RBM20: variants seen among roughly 807,000 people sequenced by gnomAD.
RBM20 encodes the protein RNA binding motif protein 20, also known as RNA-binding protein 20.
Under a neutral mutation model 110.1 loss-of-function variants are expected in RBM20, and 51 were observed. The ratio of observed to expected loss-of-function variants is 0.46; its 90% CI spans 0.37 to 0.59. The LOEUF (loss-of-function observed/expected upper bound fraction) is 0.59. RBM20 is among the 20% of genes least tolerant of loss of function. RBM20 has a pLI of 0.00. For missense variants in RBM20, 1,512 were observed against 1,574.9 expected (o/e 0.96, Z 0.68); for synonymous variants, 589 against 618.2 (o/e 0.95, Z 0.70).
At chr10:110,679,062 G>A (rs1038556033) in intron 1 of RBM20, among the ~76,000 whole-genome samples, 1 of 152,182 alleles carries the variant, frequency 6.6e-6, no homozygotes, top group Non-Finnish European at 1.5e-5. Context: ...TGGAGCCTCA[G>A]GCTTGAATAT....
At chr10:110,833,113 C>G (rs1013101019) in intron 13 of RBM20, among the ~76,000 whole-genome samples, 1 of 151,118 alleles carries the variant, frequency 6.6e-6, no homozygotes, top group Non-Finnish European at 1.5e-5. Flanking sequence ...TTCCTGGGCC[C>G]GGCACAGTGG....
chr10:110,835,009 C>T (rs960496907), intron 13 of RBM20, among the ~76,000 whole-genome samples: 5 of 152,198 alleles, frequency 3.3e-5, no homozygotes, highest in African/African-American at 4.8e-5. Context: ...AAAAGACCTC[C>T]AAGGCTCCCC....
chr10:110,784,286 C>T, intron 3 of RBM20, 55 bp from the exon 4 acceptor site: 1 of 1,311,750 alleles, frequency 7.6e-7, no homozygotes, highest in Non-Finnish European at 1.1e-6. Flanking sequence ...GGGTCACATG[C>T]TAATTCTTTG....
chr10:110,784,889 T>C lies in RBM20; in HGVS notation c.1527T>C (p.Thr509=), dbSNP rs759961194. The C allele has an allele frequency of 6.7e-7, 1 of 1,499,774 alleles. No individual in the cohort carries two copies. 92.9% of individuals were successfully genotyped at this position (1,499,774 alleles called of 1,614,324 possible). A position where few individuals can be genotyped will look rare whatever the true frequency, so the allele number is the denominator to read the frequency against. Residue 509 remains threonine (T), a splice_region_variant and synonymous_variant, in exon 5 of 14, where the codon ACT becomes ACC. Coordinates refer to ENST00000369519, the MANE Select transcript of RBM20 (RefSeq NM_001134363.3). ...PTFPLASVGT[T]FAQRKGAGRV... ...TTCCTTTGGCTTCTGTGGGGACAAC[T>C]GTGAGTACGGAAACATTTTCTCTAG... is the stretch of plus-strand genomic sequence containing the variant.
chr10:110,792,452 C>T (rs950230240), intron 5 of RBM20, among the ~76,000 whole-genome samples: 2 of 152,178 alleles, frequency 1.3e-5, no homozygotes, highest in African/African-American at 2.4e-5. Flanking sequence ...CGTACATTCA[C>T]GGTGGCATTT....
intron 1 of RBM20, among the ~76,000 whole-genome samples, chr10:110,687,208 T>C (rs1862518451): frequency 6.6e-6 from 1 of 152,204 alleles, no homozygotes; most frequent in African/African-American, 2.4e-5. Flanking sequence ...AGAAAAGTAG[T>C]AAGATACTAA....
chr10:110,713,616 T>C (rs1322136623), intron 1 of RBM20, among the ~76,000 whole-genome samples: 1 of 152,232 alleles, frequency 6.6e-6, no homozygotes, highest in African/African-American at 2.4e-5. Context: ...ATATATGCAT[T>C]ACTGGCAAAT....
intron 1 of RBM20, among the ~76,000 whole-genome samples, chr10:110,771,135 A>G (rs758691071): frequency 2.6e-5 from 4 of 152,156 alleles, no homozygotes; most frequent in Non-Finnish European, 5.9e-5. Context: ...AGGCATGTCC[A>G]TGGATAAATT....
Position 110,771,517 on chromosome 10 carries a change from C to T in RBM20, c.192-9284C>T, listed in dbSNP as rs556777799. Among the ~76,000 whole-genome samples, 19 of 152,266 alleles carry T rather than the reference C, an allele frequency of 1.2e-4. No individual in the cohort carries two copies. In the South Asian group the frequency reaches 2.9e-3, roughly 23 times the overall value. Reference sequence around the variant, plus strand: ...GTGGGACACATATAGTTCCTATCTTCGAATGATCATGGGACAGTGGGAAAG... The same window carrying T: ...GTGGGACACATATAGTTCCTATCTTTGAATGATCATGGGACAGTGGGAAAG... On this transcript the variant is annotated intron_variant, in intron 1 of 13. Coordinates refer to ENST00000369519, the MANE Select transcript of RBM20 (RefSeq NM_001134363.3).
chr10:110,738,546 T>C (rs182482915), intron 1 of RBM20, among the ~76,000 whole-genome samples: 392 of 152,254 alleles, frequency 2.6e-3, no homozygotes, highest in African/African-American at 9.0e-3. Context: ...GACCAAGGTC[T>C]GTGAAATGAC....
At chr10:110,720,243 A>T (rs1379230162) in intron 1 of RBM20, among the ~76,000 whole-genome samples, 3 of 152,094 alleles carry the variant, frequency 2.0e-5, no homozygotes, top group African/African-American at 7.2e-5. Flanking sequence ...AGCTTGCTTC[A>T]TTCCTAGTGG....
chr10:110,648,002 T>A (rs187011147), intron 1 of RBM20, among the ~76,000 whole-genome samples: 1 of 152,374 alleles, frequency 6.6e-6, no homozygotes, highest in Admixed American at 6.5e-5. Context: ...GTGATTTTCC[T>A]AACTTATTTG....
chr10:110,761,738 A>C (rs933748260), intron 1 of RBM20, among the ~76,000 whole-genome samples: 1 of 152,000 alleles, frequency 6.6e-6, no homozygotes, highest in African/African-American at 2.4e-5. Context: ...CCACTATACC[A>C]CCCGCTGCAG....
intron 1 of RBM20, among the ~76,000 whole-genome samples, chr10:110,746,607 A>G (rs1346393003): frequency 2.0e-5 from 3 of 152,206 alleles, no homozygotes; most frequent in South Asian, 2.1e-4. Flanking sequence ...CCACCTGGAG[A>G]TGCCCTTCAA....
At chr10:110,726,343 G>T (rs923198270) in intron 1 of RBM20, among the ~76,000 whole-genome samples, 1 of 152,140 alleles carries the variant, frequency 6.6e-6, no homozygotes, top group Admixed American at 6.5e-5. Context: ...ACTTTCTAAG[G>T]TCTCCCCTAT....
chr10:110,812,734 CG>C lies in RBM20; in HGVS notation c.2340del (p.Arg781GlyfsTer129). On this transcript the variant is annotated frameshift_variant, in exon 9 of 14. Coordinates refer to ENST00000369519, the MANE Select transcript of RBM20 (RefSeq NM_001134363.3). LOFTEE classifies it high-confidence loss of function. ...ATCTGAAGCAGCAGCAGGATGCCCC[CG>C]GGAGGTCCAGGAGGAAAGACGAGGC... ...KYLKQQQDAP[G>X]RSRRKDEARL... is the part of the protein sequence containing the mutation. The C allele has an allele frequency of 6.4e-7, 1 of 1,551,730 alleles. No homozygotes were observed. The highest frequency in any genetic ancestry group is 8.7e-7 in the Non-Finnish European group (1 of 1,147,002).
At chr10:110,750,264 G>A (rs1297220444) in intron 1 of RBM20, among the ~76,000 whole-genome samples, 3 of 152,204 alleles carry the variant, frequency 2.0e-5, no homozygotes, top group Admixed American at 2.0e-4. Flanking sequence ...AGCATGAAAG[G>A]TGGAAACTAT....
At chr10:110,685,159 C>T (rs1020095872) in intron 1 of RBM20, among the ~76,000 whole-genome samples, 2 of 152,210 alleles carry the variant, frequency 1.3e-5, no homozygotes, top group African/African-American at 2.4e-5. Context: ...CTTTCACACG[C>T]GACCTTACGC....
chr10:110,781,430 G>T lies in RBM20; in HGVS notation c.821G>T (p.Gly274Val). The T allele has an allele frequency of 6.4e-7, 1 of 1,551,612 alleles. No homozygotes were observed. Among genetic ancestry groups the T allele is most frequent in the Non-Finnish European group, 8.7e-7 (1 of 1,147,006 alleles). Residue 274 changes from glycine (G) to valine (V), a missense_variant, in exon 2 of 14, where the codon GGT becomes GTT. Gly to Val is a moderately radical substitution (Grantham distance 109). Coordinates refer to ENST00000369519, the MANE Select transcript of RBM20 (RefSeq NM_001134363.3). ...EGHYSHTGQD[G>V]QAAFSKDFYG... ...CACTACAGCCACACAGGGCAGGATG[G>T]TCAAGCTGCCTTTTCCAAAGATTTT...
Sources: allele counts gnomAD v4.1 joint callset (sites outside exome capture counted in the v4.1 genomes callset), GRCh38; gene constraint gnomAD v4.1.1; transcripts MANE v1.5; gene names NCBI Gene and HGNC (gene_info 2026-07-23, HGNC 2026-07-21).